ADGRB3: variants seen among roughly 807,000 people sequenced by gnomAD.
ADGRB3 encodes brain-specific angiogenesis inhibitor 3.
In ADGRB3, 37 loss-of-function variants were observed where a neutral mutation model predicts 193.4. The observed-to-expected ratio is 0.19, with a 90% CI of 0.15 to 0.25. The LOEUF (loss-of-function observed/expected upper bound fraction) is 0.25. Among genes scored for constraint, ADGRB3 ranks in the 10% least tolerant of loss-of-function variants. The probability of loss-of-function intolerance (pLI) is 1.00; values close to 1 mark genes in which losing one functional copy is unlikely to be tolerated. For missense variants in ADGRB3, 1,637 were observed against 1,852.9 expected, an observed-to-expected ratio of 0.88 and a Z score of 2.14; for synonymous variants, 690 against 644.2, an observed-to-expected ratio of 1.07 and a Z score of -1.08.
chr6:69,040,686 A>C (rs1377712055), intron 13 of ADGRB3, among the ~76,000 whole-genome samples: 1 of 138,674 alleles, frequency 7.2e-6, no homozygotes, highest in African/African-American at 2.7e-5. Flanking sequence ...AAAAAAAAAA[A>C]AAAAAAAAAA....
chr6:68,827,064 C>G (rs746694778), intron 3 of ADGRB3, among the ~76,000 whole-genome samples: 1 of 152,038 alleles, frequency 6.6e-6, no homozygotes, highest in Non-Finnish European at 1.5e-5. Flanking sequence ...CTGACAAGCT[C>G]CCCAAAGTAG....
intron 20 of ADGRB3, among the ~76,000 whole-genome samples, chr6:69,289,604 C>T (rs1373574243): frequency 1.3e-5 from 2 of 152,128 alleles, no homozygotes; most frequent in African/African-American, 4.8e-5. Flanking sequence ...GCCCATGGCA[C>T]CAAAGAAAGC....
chr6:69,149,924 C>CTGTGTGTGTGTGTGTGTG (rs1167142377), intron 17 of ADGRB3, among the ~76,000 whole-genome samples: 4 of 128,886 alleles, frequency 3.1e-5, no homozygotes, highest in African/African-American at 1.2e-4. Flanking sequence ...GTCTGTCTTT[C>CTGTGTGTGTGTGTGTGTG]TGTGTGTGTG....
intron 3 of ADGRB3, among the ~76,000 whole-genome samples, chr6:68,817,565 G>A (rs1767661751): frequency 6.6e-6 from 1 of 151,280 alleles, no homozygotes; most frequent in Admixed American, 6.6e-5. Flanking sequence ...AGTGTTACAA[G>A]CACTCATGCA....
In ADGRB3 at chr6:68,992,606, A is replaced by G. The variant is rs565502174; in HGVS notation, c.1735-1162A>G. ...AAGGAATGAAAGAATAGGGAGAAGT[A>G]CCTAAATATGTTATGACTTTTAGCA... is the stretch of plus-strand genomic sequence containing the variant. On this transcript the variant is annotated intron_variant, in intron 10 of 31. Coordinates refer to ENST00000370598, the MANE Select transcript of ADGRB3 (RefSeq NM_001704.3). Among the ~76,000 whole-genome samples, 10 of 152,294 alleles carry G rather than the reference A, an allele frequency of 6.6e-5. No individual in the cohort carries two copies. In the South Asian group the frequency reaches 2.1e-3, roughly 32 times the overall value.
chr6:69,076,154 GA>G lies in ADGRB3; in HGVS notation c.2480+125del, dbSNP rs35445308. ...AAGTCAGTGGGATGTTGCATTCAGA[GA>G]AAAAAAAATCCTCTTTTTGAATCTT... On this transcript the variant is annotated intron_variant, in intron 17 of 31. Transcript: ENST00000370598. 150 of 695,598 alleles carry G rather than the reference GA, an allele frequency of 2.2e-4. No individual in the cohort carries two copies. In the African/African-American group the frequency reaches 2.2e-3, roughly 10 times the overall value. The allele number at this position is 695,598 out of a possible 1,614,324, so 43.1% of individuals were successfully genotyped here.
intron 17 of ADGRB3, among the ~76,000 whole-genome samples, chr6:69,192,780 G>A (rs1337643143): frequency 6.6e-6 from 1 of 151,826 alleles, no homozygotes; most frequent in Non-Finnish European, 1.5e-5. Flanking sequence ...TATTTTTGAG[G>A]GTCTGCTATA....
intron 3 of ADGRB3, among the ~76,000 whole-genome samples, chr6:68,827,403 T>C (rs988188683): frequency 3.3e-5 from 5 of 151,628 alleles, no homozygotes; most frequent in Non-Finnish European, 5.9e-5. Context: ...AAATGAGCAA[T>C]GGGGCCATCG....
chr6:68,738,487 C>T (rs1765916046), intron 3 of ADGRB3, among the ~76,000 whole-genome samples: 1 of 151,992 alleles, frequency 6.6e-6, no homozygotes, highest in African/African-American at 2.4e-5. Flanking sequence ...TTTCTATAAC[C>T]TAGGGGTGAA....
chr6:69,332,675 A>C, intron 23 of ADGRB3: 1 of 985,454 alleles, frequency 1.0e-6, no homozygotes, highest in African/African-American at 1.7e-5. Flanking sequence ...ATTGAAGGTT[A>C]ATTTCCCCAG....
At chr6:68,864,004 G>T (rs1765225522) in intron 3 of ADGRB3, among the ~76,000 whole-genome samples, 1 of 152,022 alleles carries the variant, frequency 6.6e-6, no homozygotes, top group African/African-American at 2.4e-5. Flanking sequence ...GGGTACCAAA[G>T]ATCATTATAA....
chr6:69,353,711 G>A (rs559738934), intron 26 of ADGRB3, among the ~76,000 whole-genome samples: 1 of 152,252 alleles, frequency 6.6e-6, no homozygotes, highest in East Asian at 1.9e-4. Flanking sequence ...ATAGGTTATG[G>A]CAAGCAATAA....
At chr6:68,977,760 A>T (rs993426587) in intron 10 of ADGRB3, among the ~76,000 whole-genome samples, 1 of 152,138 alleles carries the variant, frequency 6.6e-6, no homozygotes, top group Admixed American at 6.6e-5. Context: ...AACTTTCATA[A>T]ATGAATCCCA....
rs1470799240 is a variant in ADGRB3 at position 69,197,811 on chromosome 6, CAAAG to C, written c.2481-35476_2481-35473del. On this transcript the variant is annotated intron_variant, in intron 17 of 31. Transcript: ENST00000370598. ...GCAATGTAAAGGCTGGAAGAAAAGA[CAAAG>C]AAGGATTCATGAAGTATTTTGCAAA... Among the ~76,000 whole-genome samples the C allele has an allele frequency of 1.1e-3, 165 of 152,108 alleles. 4 individuals are homozygous for C. The highest frequency in any genetic ancestry group is 0.011 in the Admixed American group (162 of 15,252).
chr6:69,233,454 A>G (rs147514203), intron 18 of ADGRB3, 38 bp downstream of exon 18: 19 of 1,612,574 alleles, frequency 1.2e-5, no homozygotes, highest in Middle Eastern at 3.3e-4. Context: ...TAACGCAAAG[A>G]CAGGGATATT....
chr6:68,942,025 T>C (rs1422595793), intron 5 of ADGRB3, among the ~76,000 whole-genome samples: 1 of 151,760 alleles, frequency 6.6e-6, no homozygotes, highest in East Asian at 1.9e-4. Flanking sequence ...TCTTTTTTTT[T>C]CCTACATATT....
intron 17 of ADGRB3, among the ~76,000 whole-genome samples, chr6:69,113,541 AAATT>A (rs1773436762): frequency 6.6e-6 from 1 of 152,100 alleles, no homozygotes; most frequent in Non-Finnish European, 1.5e-5. Context: ...TATTCTCAGT[AAATT>A]AAGTGGGAAA....
At chr6:69,296,596 T>A (rs915530126) in intron 20 of ADGRB3, among the ~76,000 whole-genome samples, 3 of 152,156 alleles carry the variant, frequency 2.0e-5, no homozygotes, top group African/African-American at 7.2e-5. Flanking sequence ...TTACTCCGTA[T>A]AAAGTGAATA....
chr6:69,094,851 A>C (rs554689232), intron 17 of ADGRB3, among the ~76,000 whole-genome samples: 23 of 152,322 alleles, frequency 1.5e-4, no homozygotes, highest in Non-Finnish European at 2.9e-4. Flanking sequence ...ATATGCAAAG[A>C]TCAACCATTT....
Sources: gnomAD v4.1 joint callset for allele counts (sites outside exome capture counted in the v4.1 genomes callset) on GRCh38, gnomAD v4.1.1 for gene constraint, MANE v1.5 for transcripts, NCBI Gene and HGNC (gene_info 2026-07-23, HGNC 2026-07-21) for gene names.